Variants in TVP23A observed in about 807,000 individuals in gnomAD.
TVP23A encodes the protein Golgi apparatus membrane protein TVP23 homolog A.
Under a neutral mutation model 31.7 loss-of-function variants are expected in TVP23A, and 21 were observed. That is an observed-to-expected ratio of 0.66 (90% CI 0.47 to 0.95). The LOEUF (loss-of-function observed/expected upper bound fraction) is 0.95, where lower values mean the gene tolerates loss of function less well. Ranked by LOEUF, TVP23A falls within the 40% of genes least tolerant of loss-of-function variation. The pLI, the probability that TVP23A is intolerant of heterozygous loss-of-function variation, is 0.00. For synonymous variants in TVP23A, 104 were observed against 96.0 expected (o/e 1.08, Z -0.49); for missense variants, 279 against 255.6 (o/e 1.09, Z -0.62).
At chr16:10,813,877 T>C (rs897058795) in intron 2 of TVP23A, among the ~76,000 whole-genome samples, 8 of 151,686 alleles carry the variant, frequency 5.3e-5, no homozygotes, top group African/African-American at 1.7e-4. Flanking sequence ...CACGCACCTG[T>C]AATCCCAGCT....
downstream of TVP23A, chr16:10,761,790 G>A (rs1230308765): frequency 1.2e-6 from 2 of 1,613,980 alleles, no homozygotes; most frequent in African/African-American, 1.3e-5. Flanking sequence ...CACAACCGGG[G>A]GCGCGGAGCT....
downstream of TVP23A, among the ~76,000 whole-genome samples, chr16:10,757,452 A>G (rs866373613): frequency 6.6e-6 from 1 of 152,160 alleles, no homozygotes; most frequent in African/African-American, 2.4e-5. This position sits in a 1 kb window ranked among gnomAD's most constrained non-coding sequence, Gnocchi z 4.1. Flanking sequence ...AGCACTATTG[A>G]TATTTTGAGC....
downstream of TVP23A, among the ~76,000 whole-genome samples, chr16:10,760,070 A>G (rs1007780118): frequency 6.6e-6 from 1 of 152,272 alleles, no homozygotes; most frequent in Admixed American, 6.5e-5. Flanking sequence ...CAGTAATCAC[A>G]TTGGAAAAAC....
Position 10,770,288 on chromosome 16 carries a change from T to G in TVP23A, c.626A>C (p.Glu209Ala), listed in dbSNP as rs1255344362. 1 of 1,550,918 alleles carries G rather than the reference T, an allele frequency of 6.4e-7. No homozygotes were observed. The highest frequency in any genetic ancestry group is 2.5e-5 in the East Asian group (1 of 40,752). ...DFQKPGLEGL[E>A]IHQH ...ATTTCTCACCTAATGCTGGTGAATC[T>G]CCAGCCCCTCGAGGCCAGGCTTCTG... Residue 209 changes from glutamate (E) to alanine (A), a missense_variant, in exon 7 of 8, where the codon GAG becomes GCG. Physicochemically the swap from Glu to Ala is moderately radical, Grantham distance 107. Coordinates refer to ENST00000299866, the MANE Select transcript of TVP23A (RefSeq NM_001079512.4).
chr16:10,763,617 G>A (rs911495195), downstream of TVP23A: 5 of 152,358 alleles, frequency 3.3e-5, no homozygotes, highest in African/African-American at 1.2e-4. Context: ...GGCCCCTGGA[G>A]GCAGTTGGGC....
chr16:10,815,206 G>A (rs2034384843), intron 2 of TVP23A, among the ~76,000 whole-genome samples: 1 of 151,982 alleles, frequency 6.6e-6, no homozygotes, highest in Non-Finnish European at 1.5e-5. Context: ...GACCAGCCTG[G>A]CCAACATGGC....
chr16:10,809,723 G>A (rs1040722717), intron 2 of TVP23A, among the ~76,000 whole-genome samples: 2 of 152,124 alleles, frequency 1.3e-5, no homozygotes, highest in African/African-American at 2.4e-5. Context: ...ACTTGGCTAG[G>A]GAGTGGTAGA....
At chr16:10,798,268 T>A (rs1475479327) in intron 2 of TVP23A, among the ~76,000 whole-genome samples, 1 of 152,148 alleles carries the variant, frequency 6.6e-6, no homozygotes, top group African/African-American at 2.4e-5. Context: ...TTTTTTTCTT[T>A]TTTTAAGTAA....
rs1317186734 is a variant in TVP23A at position 10,767,522 on chromosome 16, TCTTTCTGGAAAG to T, written c.*1568_*1579del. The T allele has an allele frequency of 2.3e-6, 1 of 439,118 alleles. No individual in the cohort carries two copies. Among genetic ancestry groups the T allele is most frequent in the African/African-American group, 2.0e-5 (1 of 49,582 alleles). 27.2% of individuals were successfully genotyped at this position (439,118 alleles called of 1,614,324 possible). ...AGTGTGCACATTTATATGCGCATAA[TCTTTCTGGAAAG>T]ACACCTAGAACACTAGTAGCCCTTT... On this transcript the variant is annotated 3_prime_UTR_variant, in exon 8 of 8. Transcript: ENST00000299866. The surrounding 1 kb of genome is among the most constrained non-coding windows in gnomAD (Gnocchi z 4.6).
In TVP23A at chr16:10,777,750, G is replaced by A. The variant is rs540437865; in HGVS notation, c.90-2654C>T. ...GATCAAGCCGGGCGTGGTGGCTCAC[G>A]CCTGTAATCCCAGCACTTTGGGAGG... On this transcript the variant is annotated intron_variant, in intron 2 of 7. Coordinates refer to ENST00000299866, the MANE Select transcript of TVP23A (RefSeq NM_001079512.4). The surrounding 1 kb of genome is among the most constrained non-coding windows in gnomAD (Gnocchi z 4.5). Among the ~76,000 whole-genome samples, 18 of 152,226 alleles carry A rather than the reference G, an allele frequency of 1.2e-4. No individual in the cohort carries two copies. The highest frequency in any genetic ancestry group is 1.0e-3 in the Admixed American group (16 of 15,294).
At chr16:10,801,998 C>A (rs1039090300) in intron 2 of TVP23A, among the ~76,000 whole-genome samples, 2 of 151,434 alleles carry the variant, frequency 1.3e-5, no homozygotes, top group African/African-American at 2.4e-5. Context: ...CTTGTTTCTA[C>A]AAAAAATAAA....
intron 6 of TVP23A, among the ~76,000 whole-genome samples, chr16:10,770,868 C>CAAAAAAAAAAAAAAAAAAAAAAAAAAAAA (rs376701429): frequency 1.5e-5 from 1 of 66,482 alleles, no homozygotes; most frequent in African/African-American, 5.3e-5. Context: ...ACTCCCATCT[C>CAAAAAAAAAAAAAAAAAAAAAAAAAAAAA]AAAAAAAAAA....
At chr16:10,786,948 AT>A (rs1596527222) in intron 2 of TVP23A, among the ~76,000 whole-genome samples, 1 of 151,442 alleles carries the variant, frequency 6.6e-6, no homozygotes, top group African/African-American at 2.4e-5. Context: ...AAAAAAAAAA[AT>A]TTAGACCTAA....
chr16:10,803,895 T>G (rs1179609442), intron 2 of TVP23A, among the ~76,000 whole-genome samples: 1 of 152,150 alleles, frequency 6.6e-6, no homozygotes, highest in Non-Finnish European at 1.5e-5. Context: ...TAGACAGTGG[T>G]GATGGGTGCA....
intron 2 of TVP23A, among the ~76,000 whole-genome samples, chr16:10,776,046 G>C (rs1452826672): frequency 6.7e-6 from 1 of 148,794 alleles, no homozygotes; most frequent in Non-Finnish European, 1.5e-5. Flanking sequence ...ACCACGCCTG[G>C]CCTTATTTTT....
Position 10,818,296 on chromosome 16 carries a change from G to T in TVP23A, c.10-114C>A, listed in dbSNP as rs1028517291. 1.9e-5 allele frequency: 25 copies of T among 1,298,044 alleles called. No individual in the cohort carries two copies. The African/African-American group carries it at 2.5e-4, about 13-fold the overall frequency. The allele number at this position is 1,298,044 out of a possible 1,614,324, so 80.4% of individuals were successfully genotyped here. A position where few individuals can be genotyped will look rare whatever the true frequency, so the allele number is the denominator to read the frequency against. On this transcript the variant is annotated intron_variant, in intron 1 of 7. Transcript: ENST00000299866. This position sits in a 1 kb window ranked among gnomAD's most constrained non-coding sequence, Gnocchi z 4.7. ...TTGCACCCCACCGGGTTCCCAAGTG[G>T]ACCCTCCGAGCTGGCGGGGCCCCTC...
intron 2 of TVP23A, among the ~76,000 whole-genome samples, chr16:10,816,049 C>T (rs558414630): frequency 3.0e-4 from 46 of 151,976 alleles, no homozygotes; most frequent in Admixed American, 4.6e-4. Flanking sequence ...TACCAAGACC[C>T]CATCTCTACA....
At chr16:10,807,580 G>A (rs2034003271) in intron 2 of TVP23A, among the ~76,000 whole-genome samples, 1 of 152,102 alleles carries the variant, frequency 6.6e-6, no homozygotes, top group South Asian at 2.1e-4. Context: ...AGTGGGTGGG[G>A]GCTGGGGTGC....
At chr16:10,785,191 G>A (rs13331357) in intron 2 of TVP23A, among the ~76,000 whole-genome samples, 1 of 152,034 alleles carries the variant, frequency 6.6e-6, no homozygotes, top group Non-Finnish European at 1.5e-5. Flanking sequence ...GATCACCTGA[G>A]GTCAGGAGCT....
Sources: gnomAD v4.1 joint callset for allele counts (sites outside exome capture counted in the v4.1 genomes callset) on GRCh38, gnomAD v4.1.1 for gene constraint, Gnocchi (gnomAD v3.1) non-coding constraint, MANE v1.5 for transcripts, NCBI Gene and HGNC (gene_info 2026-07-23, HGNC 2026-07-21) for gene names.